LRP2: variants seen among roughly 807,000 people sequenced by gnomAD.
LRP2 encodes low-density lipoprotein receptor-related protein 2.
A neutral mutation model predicts 531.0 loss-of-function variants in LRP2; 172 were observed. That is an observed-to-expected ratio of 0.32 (90% CI 0.29 to 0.37). The LOEUF is 0.37. LRP2 is among the 10% of genes least tolerant of loss of function. The pLI, the probability that LRP2 is intolerant of heterozygous loss-of-function variation, is 1.00. For missense variants in LRP2, 5,167 were observed against 5,868.3 expected (o/e 0.88, Z 3.90); for synonymous variants, 1,992 against 2,027.6 (o/e 0.98, Z 0.47).
In LRP2 at chr2:169,213,667, A is replaced by G; in HGVS notation, c.6030T>C (p.Tyr2010=). The change falls in exon 36 of 79, where the codon TAT becomes TAC. Residue 2010 remains tyrosine, a synonymous_variant. Coordinates refer to ENST00000649046, the MANE Select transcript of LRP2 (RefSeq NM_004525.3). The stretch of plus-strand genomic sequence containing the variant: ...GTGACAAATACTTACTGCGTCTGTG[A>G]TAAACTTGAAGACCCCTCAGATTTG... ...NVPNLRGLQV[Y]HRRNAAESSN... 1 of 1,612,574 alleles carries G rather than the reference A, an allele frequency of 6.2e-7. No homozygotes were observed. The highest frequency in any genetic ancestry group is 8.5e-7 in the Non-Finnish European group (1 of 1,179,542).
chr2:169,285,875 C>G (rs995105823), intron 9 of LRP2, among the ~76,000 whole-genome samples: 16 of 152,150 alleles, frequency 1.1e-4, no homozygotes, highest in African/African-American at 3.6e-4. Flanking sequence ...TCTTGATTAC[C>G]ACCGAGGTAT....
chr2:169,183,962 G>T (rs569700735), intron 50 of LRP2, among the ~76,000 whole-genome samples: 30 of 152,026 alleles, frequency 2.0e-4, no homozygotes, highest in Non-Finnish European at 3.5e-4. Flanking sequence ...ACTGAGCCTG[G>T]TTGTGCACCC....
intron 28 of LRP2, 62 bp from the exon 29 acceptor site, chr2:169,236,130 A>T: frequency 8.7e-7 from 1 of 1,144,098 alleles, no homozygotes; most frequent in Non-Finnish European, 1.3e-6. Flanking sequence ...AATAACTGTC[A>T]TTTTAAATAA....
At chr2:169,317,746 C>T (rs971631386) in intron 3 of LRP2, among the ~76,000 whole-genome samples, 4 of 152,112 alleles carry the variant, frequency 2.6e-5, no homozygotes, top group South Asian at 2.1e-4. Context: ...GCTCATAGGT[C>T]GCCATCTTAT....
rs558757907 is a variant in LRP2, at chr2:169,360,040, G to A, written c.79+2281C>T. ...CTTGGGAGGCTGAGGTGTGAGGATCGCTTGAACCTGGGAGGCAGAGGTTGC... is the reference window on the plus strand; with the variant it reads ...CTTGGGAGGCTGAGGTGTGAGGATCACTTGAACCTGGGAGGCAGAGGTTGC... On this transcript the variant is annotated intron_variant, in intron 1 of 78. Coordinates refer to ENST00000649046, the MANE Select transcript of LRP2 (RefSeq NM_004525.3). Among the ~76,000 whole-genome samples the A allele has an allele frequency of 3.3e-4, 49 of 150,276 alleles. 1 individual carries two copies. Among genetic ancestry groups the A allele is most frequent in the Admixed American group, 1.0e-3 (15 of 15,016 alleles).
At chr2:169,157,915 T>TATAA (rs1686394699) in intron 63 of LRP2, among the ~76,000 whole-genome samples, 1 of 61,344 alleles carries the variant, frequency 1.6e-5, no homozygotes, top group East Asian at 4.5e-4. Flanking sequence ...AGATAACAGA[T>TATAA]AGAAATAAAT....
At chr2:169,324,427 T>C (rs1574257263) in intron 1 of LRP2, among the ~76,000 whole-genome samples, 4 of 152,310 alleles carry the variant, frequency 2.6e-5, no homozygotes, top group South Asian at 2.1e-4. Context: ...ATAGAATCCA[T>C]AGTGCTTATA....
At position 169,203,819 on chromosome 2, in the gene LRP2, G is replaced by A. The variant is rs886945574; in HGVS notation, c.8005+163C>T. Among the ~76,000 whole-genome samples the A allele has an allele frequency of 2.0e-5, 3 of 152,156 alleles. No individual in the cohort carries two copies. In the East Asian group the frequency reaches 5.8e-4, roughly 29 times the overall value. On this transcript the variant is annotated intron_variant, in intron 42 of 78. Coordinates refer to ENST00000649046, the MANE Select transcript of LRP2 (RefSeq NM_004525.3). ...TCCATATAGATTAGAAAAGAAGCCT[G>A]CCAAGTCTTCCTCTCAAAATATAGC...
intron 25 of LRP2, 138 bp downstream of exon 25, chr2:169,240,850 C>T: frequency 1.0e-6 from 1 of 966,366 alleles, no homozygotes; most frequent in African/African-American, 1.6e-5. Context: ...TTATGGTTAC[C>T]CCCTACACAG....
rs1379964159 is a variant in LRP2, at chr2:169,206,768, C to A, written c.6952G>T (p.Asp2318Tyr). 6.2e-7 allele frequency: 1 copy of A among 1,614,026 alleles called. No individual in the cohort carries two copies. The highest frequency in any genetic ancestry group is 8.5e-7 in the Non-Finnish European group (1 of 1,180,034). The stretch of plus-strand genomic sequence containing the variant: ...ACATCTCTTAGCCAGTTGATATTGT[C>A]TCTTATCACTGTGGGTGGCTCTGTG... ...ENTEPPTVIR[D>Y]NINWLRDVTI... Residue 2318 changes from aspartate to tyrosine, a missense_variant, in exon 39 of 79, where the codon GAC (aspartate) becomes TAC (tyrosine). Coordinates refer to ENST00000649046, the MANE Select transcript of LRP2 (RefSeq NM_004525.3).
intron 12 of LRP2, 77 bp downstream of exon 12, chr2:169,279,295 C>T (rs1259550048): frequency 1.5e-5 from 16 of 1,045,414 alleles, no homozygotes; most frequent in Non-Finnish European, 2.4e-5. Context: ...TTTGATTAAT[C>T]CAGTAGATGT....
At chr2:169,135,559 C>T (rs1223276083) in intron 76 of LRP2, among the ~76,000 whole-genome samples, 1 of 152,156 alleles carries the variant, frequency 6.6e-6, no homozygotes, top group Non-Finnish European at 1.5e-5. Context: ...GTGGAACCTT[C>T]ATACCCCTTA....
At chr2:169,256,592 G>T (rs1342732891) in intron 18 of LRP2, among the ~76,000 whole-genome samples, 1 of 151,790 alleles carries the variant, frequency 6.6e-6, no homozygotes, top group Non-Finnish European at 1.5e-5. Flanking sequence ...AGTTACCTTG[G>T]CATTTCATCT....
chr2:169,326,904 G>C (rs1477373218), intron 1 of LRP2, among the ~76,000 whole-genome samples: 4 of 143,666 alleles, frequency 2.8e-5, no homozygotes, highest in African/African-American at 7.8e-5. Context: ...TCTGCCCGGC[G>C]GCGACCCCGT....
Position 169,225,325 on chromosome 2 carries a change from T to C in LRP2, c.5523A>G (p.Arg1841=). The C allele has an allele frequency of 6.2e-7, 1 of 1,613,908 alleles. No homozygotes were observed. Among genetic ancestry groups the C allele is most frequent in the Non-Finnish European group, 8.5e-7 (1 of 1,179,886 alleles). ...ISRNLYSTNP[R]TQSIEVLTLH... is the part of the protein sequence containing the mutation. ...GAATCATTACCTCGATTGACTGAGT[T>C]CTAGGATTGGTAGAATAAAGGTTTC... The change falls in exon 33 of 79, where the codon AGA becomes AGG. Residue 1841 remains arginine (R), a synonymous_variant. Transcript: ENST00000649046.
In LRP2 at chr2:169,238,246, C is replaced by A. The variant is rs146289506; in HGVS notation, c.4351G>T (p.Val1451Phe). Residue 1451 changes from valine to phenylalanine, a missense_variant, in exon 27 of 79, where the codon GTC becomes TTC. By Grantham distance (50) the Val-to-Phe change is conservative. Around this residue, in one of 6 missense-constraint regions of LRP2, gnomAD observed 2,811 missense variants for 3,058.0 expected, o/e 0.92. Coordinates refer to ENST00000649046, the MANE Select transcript of LRP2 (RefSeq NM_004525.3). ...TAGATATTGTGGACCTGGGAGGTGA[C>A]ACTGTCGGCAATAATTTTGTTCTGA... ...ASQNKIIADS[V>F]TSQVHNIYSL... 2.0e-3 allele frequency: 3,251 copies of A among 1,614,126 alleles called. 6 individuals are homozygous for A. Among genetic ancestry groups the A allele is most frequent in the Non-Finnish European group, 2.2e-3 (2,645 of 1,180,010 alleles).
chr2:169,157,957 T>TTAAA (rs1553486911), intron 63 of LRP2, among the ~76,000 whole-genome samples: 1 of 145,974 alleles, frequency 6.9e-6, no homozygotes, highest in South Asian at 2.1e-4. Flanking sequence ...AATAAATAAA[T>TTAAA]AAAAGACATG....
intron 34 of LRP2, 149 bp from the exon 35 acceptor site, chr2:169,216,579 G>GA (rs1688804610): frequency 4.1e-6 from 3 of 738,116 alleles, no homozygotes; most frequent in Non-Finnish European, 6.9e-6. Context: ...ATACAACGTG[G>GA]AGGGGTACTT....
chr2:169,280,372 C>A lies in LRP2; in HGVS notation c.1319G>T (p.Trp440Leu). 1 of 1,614,046 alleles carries A rather than the reference C, an allele frequency of 6.2e-7. No homozygotes were observed. The highest frequency in any genetic ancestry group is 8.5e-7 in the Non-Finnish European group (1 of 1,180,014). The stretch of plus-strand genomic sequence containing the variant: ...TACCTTATTTTGCACGGTGTCTGTC[C>A]AAAAAACTCTTTGCAGGTGATAGTG... ...AFHYHLQRVF[W>L]TDTVQNKVFS... The change falls in exon 11 of 79, where the codon TGG becomes TTG. Residue 440 changes from tryptophan to leucine, a missense_variant. Transcript: ENST00000649046.
Sources: gnomAD v4.1 joint callset for allele counts (sites outside exome capture counted in the v4.1 genomes callset) on GRCh38, gnomAD v4.1.1 for gene constraint, gnomAD v4.1.1 regional missense constraint, MANE v1.5 for transcripts, NCBI Gene and HGNC (gene_info 2026-07-23, HGNC 2026-07-21) for gene names.